The following ACSS2 variants were observed in gnomAD, a reference collection of about 807,000 sequenced individuals.
ACSS2 encodes the protein acyl-CoA synthetase short chain family member 2.
In ACSS2, 58 loss-of-function variants were observed where a neutral mutation model predicts 90.6. The ratio of observed to expected loss-of-function variants is 0.64; its 90% CI spans 0.52 to 0.80. ACSS2 has a LOEUF of 0.80. ACSS2 is among the 30% of genes least tolerant of loss of function. ACSS2 has a pLI of 0.00. For missense variants in ACSS2, 759 were observed against 912.0 expected (o/e 0.83, Z 2.16); for synonymous variants, 300 against 330.9 (o/e 0.91, Z 1.01).
chr20:34,922,059 A>G (rs1600358180), intron 13 of ACSS2, 193 bp downstream of exon 13: 4 of 1,337,038 alleles, frequency 3.0e-6, no homozygotes, highest in Non-Finnish European at 3.8e-6. Flanking sequence ...CTTTTGGGCC[A>G]TAAGTCTCCT....
At chr20:34,915,306 G>A in intron 7 of ACSS2, 1 of 1,610,762 alleles carries the variant, frequency 6.2e-7, no homozygotes, top group Non-Finnish European at 8.5e-7. Context: ...TTGCTTGTCT[G>A]TGTGCTCATC....
chr20:34,920,388 A>G (rs1489132563), intron 8 of ACSS2, 151 bp from the exon 9 acceptor site: 1 of 674,930 alleles, frequency 1.5e-6, no homozygotes, highest in Non-Finnish European at 2.5e-6. Context: ...GCATGGAGAA[A>G]AGGAGATGGA....
chr20:34,914,494 C>A, intron 7 of ACSS2, 57 bp downstream of exon 7: 1 of 1,458,204 alleles, frequency 6.9e-7, no homozygotes, highest in South Asian at 1.3e-5. Context: ...CTTTTCCTGC[C>A]TAGAAAATTC....
Position 34,876,737 on chromosome 20 carries a change from C to A in ACSS2, c.92C>A (p.Pro31Gln). The change falls in exon 1 of 18, where the codon CCG becomes CAG. Residue 31 changes from proline (P) to glutamine (Q), a missense_variant. Transcript: ENST00000360596. ...GGAGGCCGGGCGCGGAGTTGGTCTC[C>A]GCCGCCCGAGGTCAGCCGCTCCGCG... ...GAGGRARSWS[P>Q]PPEVSRSAHV... is the part of the protein sequence containing the mutation. 1 of 1,439,632 alleles carries A rather than the reference C, an allele frequency of 6.9e-7. No homozygotes were observed. 89.2% of individuals were successfully genotyped at this position (1,439,632 alleles called of 1,614,324 possible).
At chr20:34,903,970 C>T (rs1185090032) in intron 2 of ACSS2, among the ~76,000 whole-genome samples, 1 of 151,674 alleles carries the variant, frequency 6.6e-6, no homozygotes, top group Non-Finnish European at 1.5e-5. Context: ...CCCTCGAATA[C>T]CTATTGTGCC....
chr20:34,905,262 G>GTT (rs34401220), intron 2 of ACSS2, among the ~76,000 whole-genome samples: 69 of 139,040 alleles, frequency 5.0e-4, no homozygotes, highest in African/African-American at 6.6e-4. Context: ...AAATTCAGAA[G>GTT]TTTTTTTTTT....
chr20:34,878,858 CCT>C (rs2079988666), intron 1 of ACSS2, among the ~76,000 whole-genome samples: 3 of 151,714 alleles, frequency 2.0e-5, no homozygotes, highest in South Asian at 2.1e-4. Context: ...TCAATGGTTC[CCT>C]GTTTCTGGCA....
At position 34,927,036 on chromosome 20, in the gene ACSS2, T is replaced by C; in HGVS notation, c.1979-51T>C. Reference sequence around the variant, plus strand: ...CGTGGATGAAAGCCTTTGGCAGGGCTAGGGTGGGTCAGTGCTTTCACCAAG... The same window carrying C: ...CGTGGATGAAAGCCTTTGGCAGGGCCAGGGTGGGTCAGTGCTTTCACCAAG... On this transcript the variant is annotated intron_variant, in intron 17 of 17. Coordinates refer to ENST00000360596, the MANE Select transcript of ACSS2 (RefSeq NM_018677.4). This position sits in a 1 kb window ranked among gnomAD's most constrained non-coding sequence, Gnocchi z 4.2. 6.2e-7 allele frequency: 1 copy of C among 1,614,012 alleles called. No individual in the cohort carries two copies. Among genetic ancestry groups the C allele is most frequent in the Non-Finnish European group, 8.5e-7 (1 of 1,179,970 alleles).
intron 7 of ACSS2, among the ~76,000 whole-genome samples, chr20:34,916,821 C>CT (rs1451733549): frequency 6.6e-6 from 1 of 152,324 alleles, no homozygotes; most frequent in African/African-American, 2.4e-5. Flanking sequence ...TCAACCATAT[C>CT]GTCTATGAGC....
intron 1 of ACSS2, among the ~76,000 whole-genome samples, chr20:34,879,183 C>T (rs1362770682): frequency 1.3e-5 from 2 of 152,082 alleles, no homozygotes; most frequent in African/African-American, 2.4e-5. Flanking sequence ...GGATTACAGG[C>T]GTGAGCCACC....
At position 34,925,763 on chromosome 20, in the gene ACSS2, T is replaced by TC. The variant is rs2081304379; in HGVS notation, c.1724dup (p.Gly576TrpfsTer17). 3 of 1,612,894 alleles carry TC rather than the reference T, an allele frequency of 1.9e-6. No homozygotes were observed. Among genetic ancestry groups the TC allele is most frequent in the Non-Finnish European group, 2.5e-6 (3 of 1,179,640 alleles). On this transcript the variant is annotated frameshift_variant, in exon 15 of 18. Coordinates refer to ENST00000360596, the MANE Select transcript of ACSS2 (RefSeq NM_018677.4). LOFTEE classifies it high-confidence loss of function. ...CAGGATTGATGACATGCTCAATGTA[T>TC]CTGGTGAGGGCCAGGGGCCACCTTC... is the stretch of plus-strand genomic sequence containing the variant.
intron 2 of ACSS2, among the ~76,000 whole-genome samples, chr20:34,901,156 C>G (rs892761788): frequency 3.3e-5 from 5 of 152,180 alleles, no homozygotes; most frequent in Non-Finnish European, 7.3e-5. Flanking sequence ...TGTAAGTAAC[C>G]TTGAGGTCAT....
intron 7 of ACSS2, chr20:34,915,106 G>A: frequency 8.7e-7 from 1 of 1,147,454 alleles, no homozygotes; most frequent in East Asian, 2.4e-5. Context: ...AATGGAAGCT[G>A]GGAGGACCAG....
intron 1 of ACSS2, among the ~76,000 whole-genome samples, chr20:34,880,717 TA>T: frequency 6.6e-6 from 1 of 152,304 alleles, no homozygotes; most frequent in South Asian, 2.1e-4. Context: ...TTTAAATTTT[TA>T]CTAGTTTTCT....
intron 1 of ACSS2, among the ~76,000 whole-genome samples, chr20:34,879,175 A>T (rs888865441): frequency 6.6e-6 from 1 of 151,872 alleles, no homozygotes; most frequent in South Asian, 2.1e-4. Flanking sequence ...AAGTGCTGGG[A>T]TTACAGGCGT....
At chr20:34,925,193 A>G (rs2081290248) in intron 14 of ACSS2, among the ~76,000 whole-genome samples, 1 of 152,174 alleles carries the variant, frequency 6.6e-6, no homozygotes, top group South Asian at 2.1e-4. Flanking sequence ...TTCACTGGGT[A>G]GTTCTCATTC....
At position 34,926,286 on chromosome 20, in the gene ACSS2, G is replaced by C. The variant is rs745753775; in HGVS notation, c.1903+5G>C. 1.5e-5 allele frequency: 25 copies of C among 1,613,772 alleles called. No individual in the cohort carries two copies. The highest frequency in any genetic ancestry group is 2.1e-5 in the Non-Finnish European group (25 of 1,179,752). ...CCGAGGAGCTCAAGAAGCAGAGTAAGGAGCCTCCCTGGGCAGGGACTATAG... is the reference window on the plus strand; with the variant it reads ...CCGAGGAGCTCAAGAAGCAGAGTAACGAGCCTCCCTGGGCAGGGACTATAG... On this transcript the variant is annotated splice_donor_5th_base_variant and intron_variant, in intron 16 of 17. Transcript: ENST00000360596.
intron 8 of ACSS2, 65 bp from the exon 9 acceptor site, chr20:34,920,474 G>T: frequency 6.6e-7 from 1 of 1,523,464 alleles, no homozygotes; most frequent in Non-Finnish European, 8.9e-7. Flanking sequence ...GCTCTGCCCA[G>T]CCTCCATTTG....
intron 2 of ACSS2, 47 bp from the exon 3 acceptor site, chr20:34,913,049 G>T (rs763631045): frequency 7.0e-7 from 1 of 1,436,738 alleles, no homozygotes; most frequent in Non-Finnish European, 9.8e-7. Context: ...TCTTGTTTGG[G>T]GAAGAAGTTA....
Sources: gnomAD v4.1 joint callset for allele counts (sites outside exome capture counted in the v4.1 genomes callset) on GRCh38, gnomAD v4.1.1 for gene constraint, Gnocchi (gnomAD v3.1) non-coding constraint, MANE v1.5 for transcripts, NCBI Gene and HGNC (gene_info 2026-07-23, HGNC 2026-07-21) for gene names.